Variants in UBE2E2 observed in about 807,000 individuals in gnomAD.
UBE2E2 encodes the protein ubiquitin-conjugating enzyme E2 E2.
In UBE2E2, 6 loss-of-function variants were observed where a neutral mutation model predicts 24.7. That is an observed-to-expected ratio of 0.24 (90% CI 0.13 to 0.48). The LOEUF is 0.48. Among genes scored for constraint, UBE2E2 ranks in the 20% least tolerant of loss-of-function variants. UBE2E2 has a pLI of 0.99. For synonymous variants in UBE2E2, 104 were observed against 83.6 expected (o/e 1.24, Z -1.33); for missense variants, 169 against 245.0 (o/e 0.69, Z 2.07).
chr3:23,322,843 G>A (rs903672813), intron 3 of UBE2E2, among the ~76,000 whole-genome samples: 60 of 151,698 alleles, frequency 4.0e-4, no homozygotes, highest in Non-Finnish European at 2.9e-5. Flanking sequence ...ATTTTGTCTA[G>A]CATTAATTTG....
intron 3 of UBE2E2, among the ~76,000 whole-genome samples, chr3:23,333,434 A>T (rs1489399786): frequency 6.6e-6 from 1 of 152,156 alleles, no homozygotes; most frequent in Non-Finnish European, 1.5e-5. Context: ...GATGTTTCAT[A>T]TCAGCAGTAG....
intron 3 of UBE2E2, among the ~76,000 whole-genome samples, chr3:23,428,666 G>C (rs1010214571): frequency 1.3e-4 from 20 of 151,868 alleles, no homozygotes; most frequent in Non-Finnish European, 1.3e-4. Context: ...GAAGACACAC[G>C]TTACTAACAT....
Position 23,358,456 on chromosome 3 carries a change from A to G in UBE2E2, c.227+141144A>G, listed in dbSNP as rs530742367. 3.2e-4 allele frequency among the ~76,000 whole-genome samples: 48 copies of G among 152,374 alleles called. No individual in the cohort carries two copies. In the East Asian group the frequency reaches 9.2e-3, roughly 29 times the overall value. On this transcript the variant is annotated intron_variant, in intron 3 of 5. Coordinates refer to ENST00000396703, the MANE Select transcript of UBE2E2 (RefSeq NM_152653.4). ...TGTTTGTCACAATAAAATGTTCTAT[A>G]TAACAAACCTCTTTAAAGGAAGTGG...
rs1194304962 is a variant in UBE2E2 at position 23,264,843 on chromosome 3, T to C, written c.227+47531T>C. ...TCATATTATTAAGCTTGCAAGTGAA[T>C]GGGTAATTATTTCCAGGTTAAGTGA... is the stretch of plus-strand genomic sequence containing the variant. On this transcript the variant is annotated intron_variant, in intron 3 of 5. Coordinates refer to ENST00000396703, the MANE Select transcript of UBE2E2 (RefSeq NM_152653.4). Among the ~76,000 whole-genome samples, 7 of 152,194 alleles carry C rather than the reference T, an allele frequency of 4.6e-5. No homozygotes were observed. In the East Asian group the frequency reaches 9.6e-4, roughly 21 times the overall value.
In UBE2E2 at chr3:23,439,269, CTG is replaced by C. The variant is rs574084787; in HGVS notation, c.228-60334_228-60333del. On this transcript the variant is annotated intron_variant, in intron 3 of 5. Transcript: ENST00000396703. Reference sequence around the variant, plus strand: ...TCTTCCTGTGCACTGCAAAAGGAAACTGTGTGACTGCTTTCCTTCCTGACTGG... The same window carrying C: ...TCTTCCTGTGCACTGCAAAAGGAAACTGTGACTGCTTTCCTTCCTGACTGG... Among the ~76,000 whole-genome samples, 142 of 152,344 alleles carry C rather than the reference CTG, an allele frequency of 9.3e-4. 2 individuals carry two copies. The Middle Eastern group carries it at 0.037, about 40-fold the overall frequency.
chr3:23,229,767 A>G (rs1363375131), intron 3 of UBE2E2, among the ~76,000 whole-genome samples: 1 of 152,226 alleles, frequency 6.6e-6, no homozygotes, highest in Non-Finnish European at 1.5e-5. Context: ...TGCCCTGTCC[A>G]GTACAGTGGC....
chr3:23,540,336 G>GA (rs1267720014), intron 5 of UBE2E2, among the ~76,000 whole-genome samples: 1 of 152,112 alleles, frequency 6.6e-6, no homozygotes, highest in Non-Finnish European at 1.5e-5. Context: ...GTTACTAAAA[G>GA]ATACAGCATG....
chr3:23,376,118 C>CA (rs1395189587), intron 3 of UBE2E2, among the ~76,000 whole-genome samples: 1 of 151,960 alleles, frequency 6.6e-6, no homozygotes, highest in Admixed American at 6.6e-5. Flanking sequence ...ATGTATGTGC[C>CA]ATGTATATCC....
At chr3:23,292,084 T>G (rs1246715417) in intron 3 of UBE2E2, among the ~76,000 whole-genome samples, 2 of 152,008 alleles carry the variant, frequency 1.3e-5, no homozygotes, top group Non-Finnish European at 2.9e-5. Context: ...GGTCTTGATC[T>G]CCTGACCTCG....
At chr3:23,395,747 G>A (rs955783724) in intron 3 of UBE2E2, among the ~76,000 whole-genome samples, 1 of 152,178 alleles carries the variant, frequency 6.6e-6, no homozygotes, top group Admixed American at 6.6e-5. Context: ...TGCAAAACTA[G>A]GAAGGAGAAT....
chr3:23,265,532 C>A (rs943913036), intron 3 of UBE2E2, among the ~76,000 whole-genome samples: 2 of 152,100 alleles, frequency 1.3e-5, no homozygotes, highest in Non-Finnish European at 2.9e-5. Context: ...AACAGAGAAA[C>A]CATGAATTTT....
intron 5 of UBE2E2, among the ~76,000 whole-genome samples, chr3:23,556,454 T>TTAAAAAAAAAAAAAAAAAAA (rs1553620573): frequency 7.4e-5 from 7 of 94,336 alleles, no homozygotes; most frequent in Non-Finnish European, 1.2e-4. Flanking sequence ...AAAATTTATT[T>TTAAAAAAAAAAAAAAAAAAA]AAAAAAAAAA....
intron 3 of UBE2E2, among the ~76,000 whole-genome samples, chr3:23,293,093 T>C (rs1297460939): frequency 1.3e-5 from 2 of 152,214 alleles, no homozygotes; most frequent in Non-Finnish European, 2.9e-5. Flanking sequence ...AGGATAATTA[T>C]GTATCCTTTT....
intron 5 of UBE2E2, among the ~76,000 whole-genome samples, chr3:23,533,213 C>T (rs1695166325): frequency 6.6e-6 from 1 of 152,174 alleles, no homozygotes. Flanking sequence ...CAAGGAAATA[C>T]ACCTCCCAAG....
chr3:23,438,953 C>G (rs1698238958), intron 3 of UBE2E2, among the ~76,000 whole-genome samples: 1 of 152,146 alleles, frequency 6.6e-6, no homozygotes, highest in South Asian at 2.1e-4. Flanking sequence ...GAATACTACT[C>G]AACACACTAC....
In UBE2E2 at chr3:23,420,882, T is replaced by C. The variant is rs188866686; in HGVS notation, c.228-78726T>C. ...AAAACCCCTAACTAGATATTGCCTATGGGTTAAGAACAGAGTAAAGATATG... is the reference window on the plus strand; with the variant it reads ...AAAACCCCTAACTAGATATTGCCTACGGGTTAAGAACAGAGTAAAGATATG... On this transcript the variant is annotated intron_variant, in intron 3 of 5. Transcript: ENST00000396703. 2.0e-5 allele frequency among the ~76,000 whole-genome samples: 3 copies of C among 152,336 alleles called. No homozygotes were observed. In the East Asian group the frequency reaches 5.8e-4, roughly 29 times the overall value.
chr3:23,279,824 A>T (rs117572604), intron 3 of UBE2E2, among the ~76,000 whole-genome samples: 1 of 152,260 alleles, frequency 6.6e-6, no homozygotes, highest in African/African-American at 2.4e-5. Flanking sequence ...CCTTATGGCA[A>T]TGAACAAACC....
chr3:23,419,504 A>G (rs1049393012), intron 3 of UBE2E2, among the ~76,000 whole-genome samples: 3 of 152,222 alleles, frequency 2.0e-5, no homozygotes, highest in Admixed American at 2.0e-4. Flanking sequence ...AAGGACTTCA[A>G]ATAACACAGA....
At position 23,530,097 on chromosome 3, in the gene UBE2E2, T is replaced by TTATATA. The variant is rs1393244961; in HGVS notation, c.361-2452_361-2451insATATAT. The stretch of plus-strand genomic sequence containing the variant: ...TCCAAACATATGATAGGGGGATCTT[T>TTATATA]TATATGTAGATTCTGACTTTACATT... On this transcript the variant is annotated intron_variant, in intron 4 of 5. Transcript: ENST00000396703. Among the ~76,000 whole-genome samples, 8 of 152,334 alleles carry TTATATA rather than the reference T, an allele frequency of 5.3e-5. No individual in the cohort carries two copies. The South Asian group carries it at 1.7e-3, about 32-fold the overall frequency.
Sources: allele counts gnomAD v4.1 joint callset (sites outside exome capture counted in the v4.1 genomes callset), GRCh38; gene constraint gnomAD v4.1.1; transcripts MANE v1.5; gene names NCBI Gene and HGNC (gene_info 2026-07-23, HGNC 2026-07-21).